ASCC3: variants seen among roughly 807,000 people sequenced by gnomAD.
ASCC3 encodes the protein activating signal cointegrator 1 complex subunit 3, also known as ASC-1 complex subunit P200.
In ASCC3, 158 loss-of-function variants were observed where a neutral mutation model predicts 256.3. That is an observed-to-expected ratio of 0.62 (90% CI 0.54 to 0.70). The LOEUF is 0.70. Ranked by LOEUF, ASCC3 falls within the 30% of genes least tolerant of loss-of-function variation. ASCC3 has a pLI of 0.00. For synonymous variants in ASCC3, 948 were observed against 883.4 expected, an observed-to-expected ratio of 1.07 and a Z score of -1.30; for missense variants, 2,259 against 2,626.0, an observed-to-expected ratio of 0.86 and a Z score of 3.05.
chr6:100,669,132 A>G (rs1374204137), intron 14 of ASCC3, among the ~76,000 whole-genome samples: 1 of 151,034 alleles, frequency 6.6e-6, no homozygotes, highest in Admixed American at 6.6e-5. Context: ...CAAAAATTTA[A>G]TATTTTTATA....
intron 34 of ASCC3, among the ~76,000 whole-genome samples, chr6:100,591,440 A>G (rs778495900): frequency 5.9e-5 from 9 of 152,068 alleles, no homozygotes; most frequent in South Asian, 2.1e-4. Context: ...TTTCTACAAT[A>G]TAAGTGCTTA....
At chr6:100,628,904 C>A in intron 27 of ASCC3, 111 bp downstream of exon 27, 1 of 1,026,364 alleles carries the variant, frequency 9.7e-7, no homozygotes, top group Admixed American at 2.2e-5. Flanking sequence ...CAAAAAATCA[C>A]ATTGTGCCCT....
intron 37 of ASCC3, among the ~76,000 whole-genome samples, chr6:100,529,285 T>G (rs895320658): frequency 5.9e-5 from 9 of 152,204 alleles, no homozygotes. Context: ...ATCTGATCTT[T>G]CTCTCATTAT....
intron 16 of ASCC3, among the ~76,000 whole-genome samples, chr6:100,660,276 A>G (rs894483680): frequency 5.3e-5 from 8 of 151,640 alleles, no homozygotes; most frequent in Admixed American, 5.3e-4. Flanking sequence ...TCAGTTACAT[A>G]TCACTCTCTG....
chr6:100,795,016 T>C (rs1279741833), intron 8 of ASCC3, among the ~76,000 whole-genome samples: 1 of 152,068 alleles, frequency 6.6e-6, no homozygotes. Flanking sequence ...CTTTGACTCC[T>C]GGTGGCTCAT....
At chr6:100,677,333 T>C (rs771238029) in intron 14 of ASCC3, among the ~76,000 whole-genome samples, 16 of 141,788 alleles carry the variant, frequency 1.1e-4, no homozygotes, top group Non-Finnish European at 2.0e-4. Context: ...TCTTCTATTT[T>C]ATTTAAAAAA....
chr6:100,653,047 T>C (rs1267741257), intron 17 of ASCC3, among the ~76,000 whole-genome samples, 158 bp from the exon 18 acceptor site: 1 of 152,184 alleles, frequency 6.6e-6, no homozygotes, highest in African/African-American at 2.4e-5. Context: ...AGGAAATAAT[T>C]GAAAATATTT....
chr6:100,774,632 TG>T (rs1782102778), intron 8 of ASCC3, among the ~76,000 whole-genome samples: 1 of 152,172 alleles, frequency 6.6e-6, no homozygotes, highest in African/African-American at 2.4e-5. Context: ...CCCAGAGTGC[TG>T]GGATTACAGG....
chr6:100,856,151 A>G (rs1772929722), intron 3 of ASCC3, among the ~76,000 whole-genome samples: 1 of 152,190 alleles, frequency 6.6e-6, no homozygotes, highest in Non-Finnish European at 1.5e-5. Flanking sequence ...ACCATTATCA[A>G]GCTGCTGACC....
intron 14 of ASCC3, among the ~76,000 whole-genome samples, chr6:100,663,692 A>T (rs745566683): frequency 3.3e-5 from 5 of 152,170 alleles, no homozygotes; most frequent in Admixed American, 1.3e-4. Context: ...AATCGATGGT[A>T]AGAGCAACAA....
At chr6:100,561,393 G>A (rs1028825849) in intron 36 of ASCC3, among the ~76,000 whole-genome samples, 35 of 151,920 alleles carry the variant, frequency 2.3e-4, no homozygotes, top group Admixed American at 1.3e-3. Flanking sequence ...CCATATATAC[G>A]TAGAAACTTC....
At chr6:100,638,552 T>C in intron 25 of ASCC3, 49 bp downstream of exon 25, 1 of 1,454,316 alleles carries the variant, frequency 6.9e-7, no homozygotes, top group Non-Finnish European at 9.6e-7. Context: ...GTTTAGAGAT[T>C]ATGAACTGTC....
At chr6:100,655,644 A>T in intron 17 of ASCC3, 55 bp downstream of exon 17, 1 of 1,579,130 alleles carries the variant, frequency 6.3e-7, no homozygotes, top group East Asian at 2.2e-5. Context: ...TCCTCATATC[A>T]TGAAAGAACC....
chr6:100,509,749 G>A (rs1203876194), intron 41 of ASCC3, among the ~76,000 whole-genome samples, 183 bp downstream of exon 41: 8 of 151,906 alleles, frequency 5.3e-5, no homozygotes, highest in South Asian at 2.1e-4. Context: ...TTAGCCGGGC[G>A]CAGTGGCGGG....
chr6:100,570,780 A>G (rs989582636), intron 36 of ASCC3, among the ~76,000 whole-genome samples: 3 of 152,106 alleles, frequency 2.0e-5, no homozygotes, highest in South Asian at 4.1e-4. Context: ...TTTCACCTCA[A>G]TTAATGGTAT....
At chr6:100,711,281 T>C (rs1778841613) in intron 13 of ASCC3, among the ~76,000 whole-genome samples, 1 of 152,186 alleles carries the variant, frequency 6.6e-6, no homozygotes, top group African/African-American at 2.4e-5. Flanking sequence ...GCAAGTCTGA[T>C]CAGTTACAAA....
At chr6:100,866,238 G>C (rs769470760) in intron 2 of ASCC3, among the ~76,000 whole-genome samples, 1 of 152,158 alleles carries the variant, frequency 6.6e-6, no homozygotes, top group African/African-American at 2.4e-5. Flanking sequence ...CCAAAGTGCT[G>C]GGATTACAGG....
intron 10 of ASCC3, among the ~76,000 whole-genome samples, chr6:100,754,018 T>A (rs1040921152): frequency 6.6e-6 from 1 of 152,182 alleles, no homozygotes; most frequent in Non-Finnish European, 1.5e-5. Context: ...TAAATTCAAA[T>A]TCCTACTATT....
intron 36 of ASCC3, among the ~76,000 whole-genome samples, chr6:100,584,279 G>T (rs551257279): frequency 6.6e-6 from 1 of 151,246 alleles, no homozygotes; most frequent in Non-Finnish European, 1.5e-5. Context: ...TCCTGTATTG[G>T]GTGCATATAT....
Sources: allele counts gnomAD v4.1 joint callset (sites outside exome capture counted in the v4.1 genomes callset), GRCh38; gene constraint gnomAD v4.1.1; transcripts MANE v1.5; gene names NCBI Gene and HGNC (gene_info 2026-07-23, HGNC 2026-07-21).